The following LCORL variants were observed in gnomAD, a reference collection of about 807,000 sequenced individuals.
LCORL encodes ligand-dependent nuclear receptor corepressor-like protein.
In LCORL, 41 loss-of-function variants were observed where a neutral mutation model predicts 141.8. That is an observed-to-expected ratio of 0.29 (90% CI 0.23 to 0.38). LCORL has a LOEUF of 0.38. Ranked by LOEUF, LCORL falls within the 10% of genes least tolerant of loss-of-function variation. The probability of loss-of-function intolerance (pLI) is 1.00; values close to 1 mark genes in which losing one functional copy is unlikely to be tolerated. For synonymous variants in LCORL, 618 were observed against 694.1 expected, an observed-to-expected ratio of 0.89 and a Z score of 1.72; for missense variants, 1,759 against 2,035.0, an observed-to-expected ratio of 0.86 and a Z score of 2.61.
chr4:17,936,879 A>G (rs2109450626), intron 4 of LCORL, among the ~76,000 whole-genome samples: 2 of 152,290 alleles, frequency 1.3e-5, no homozygotes, highest in South Asian at 4.1e-4. Context: ...AGAATATTGC[A>G]GGAAGTTCCT....
rs28508584 is a variant in LCORL at position 17,940,076 on chromosome 4, T to C, written c.430+21827A>G. Among the ~76,000 whole-genome samples, 658 of 137,196 alleles carry C rather than the reference T, an allele frequency of 4.8e-3. 2 individuals are homozygous for C. Among genetic ancestry groups the C allele is most frequent in the African/African-American group, 0.018 (589 of 32,404 alleles). 90.0% of individuals were successfully genotyped at this position (137,196 alleles called of 152,430 possible). On this transcript the variant is annotated intron_variant, in intron 4 of 7. Coordinates refer to ENST00000635767, the Ensembl canonical transcript of LCORL. ...TATACGCATATATACACTATATGCA[T>C]ATATACTATATATACATATATAGGT...
exon 7 of LCORL, chr4:17,876,268 G>A (rs1726910578): frequency 8.1e-7 from 1 of 1,230,932 alleles, no homozygotes. Context: ...GGCATGCAGT[G>A]ACTATTGATA....
chr4:17,873,606 G>C, exon 7 of LCORL: 1 of 1,233,784 alleles, frequency 8.1e-7, no homozygotes. Flanking sequence ...AGGATTATTT[G>C]TGTTAGCATT....
chr4:17,882,318 G>A, intron 6 of LCORL: 1 of 984,516 alleles, frequency 1.0e-6, no homozygotes, highest in Non-Finnish European at 1.2e-6. Flanking sequence ...ACAGAGAAAG[G>A]GGGCACTCAG....
At chr4:17,909,534 C>G (rs571487027) in intron 4 of LCORL, among the ~76,000 whole-genome samples, 189 bp from the exon 5 acceptor site, 3 of 152,052 alleles carry the variant, frequency 2.0e-5, no homozygotes, top group African/African-American at 7.2e-5. Context: ...ATATATCAAC[C>G]AAAAATGTGG....
At chr4:17,880,812 G>A (rs764986325) in intron 6 of LCORL, 45 of 888,256 alleles carry the variant, frequency 5.1e-5, no homozygotes, top group Non-Finnish European at 5.8e-5. Flanking sequence ...TACAACACAA[G>A]ACAGATACAT....
At chr4:17,985,569 T>C (rs1030877008) in intron 1 of LCORL, among the ~76,000 whole-genome samples, 5 of 152,164 alleles carry the variant, frequency 3.3e-5, no homozygotes, top group Non-Finnish European at 7.4e-5. Context: ...TCTGTTTTGT[T>C]TGACATTTCG....
chr4:18,015,626 CA>C (rs985172572), intron 1 of LCORL, among the ~76,000 whole-genome samples: 6 of 151,788 alleles, frequency 4.0e-5, no homozygotes, highest in African/African-American at 1.4e-4. Flanking sequence ...GCTGTATAAA[CA>C]AAGTCTTTTG....
At chr4:17,872,803 A>T (rs1447530757) in intron 7 of LCORL, among the ~76,000 whole-genome samples, 1 of 152,160 alleles carries the variant, frequency 6.6e-6, no homozygotes, top group Non-Finnish European at 1.5e-5. Context: ...GATTTATTTT[A>T]AAAAATATTG....
chr4:17,848,079 TTAAG>T (rs1414269320), intron 7 of LCORL, among the ~76,000 whole-genome samples: 1 of 152,228 alleles, frequency 6.6e-6, no homozygotes, highest in African/African-American at 2.4e-5. Flanking sequence ...GGCGGTTTTC[TTAAG>T]TAACTTTTCT....
intron 5 of LCORL, among the ~76,000 whole-genome samples, chr4:17,906,574 T>C (rs1731654705): frequency 6.6e-6 from 1 of 152,216 alleles, no homozygotes; most frequent in Non-Finnish European, 1.5e-5. Flanking sequence ...GTTTAGACTA[T>C]TACAATAATT....
At chr4:17,878,900 C>G (rs1379499326) in intron 6 of LCORL, among the ~76,000 whole-genome samples, 1 of 151,204 alleles carries the variant, frequency 6.6e-6, no homozygotes, top group Non-Finnish European at 1.5e-5. Flanking sequence ...TAATATACAT[C>G]TAACTTTAAC....
chr4:18,021,679 G>C lies in LCORL; in HGVS notation c.73C>G (p.Arg25Gly), dbSNP rs1211933897. The change falls in exon 1 of 8, where the codon CGG becomes GGG. Residue 25 changes from arginine to glycine, a missense_variant. By Grantham distance (125) the Arg-to-Gly change is moderately radical. This residue lies in a region of LCORL where 86 missense variants were observed against 61.8 expected (regional missense o/e 1.39). Transcript: ENST00000635767. This position sits in a 1 kb window ranked among gnomAD's most constrained non-coding sequence, Gnocchi z 5.5. ...CTCTCCGCCGCGCACCGAGGGCTCC[G>C]GCACTGAGCGGCGGCGGCGGCGGCG... 4 of 1,538,740 alleles carry C rather than the reference G, an allele frequency of 2.6e-6. No homozygotes were observed. Among genetic ancestry groups the C allele is most frequent in the Non-Finnish European group, 3.5e-6 (4 of 1,141,924 alleles).
intron 4 of LCORL, among the ~76,000 whole-genome samples, chr4:17,947,259 T>C (rs959932082): frequency 2.6e-5 from 4 of 151,920 alleles, no homozygotes; most frequent in Admixed American, 6.6e-5. Context: ...TTGGAGAACA[T>C]TATATAAAGT....
exon 8 of LCORL, chr4:17,842,368 C>T (rs753639012): frequency 9.9e-6 from 16 of 1,611,576 alleles, no homozygotes; most frequent in East Asian, 2.2e-5. Flanking sequence ...CTGCTGAAGC[C>T]GACTCTGAAA....
At chr4:17,845,131 C>T (rs888174608) in exon 8 of LCORL, 1 of 152,454 alleles carries the variant, frequency 6.6e-6, no homozygotes, top group African/African-American at 2.4e-5. Flanking sequence ...TGTGCCATTG[C>T]TCTTAAAGCC....
chr4:17,877,890 T>C, exon 7 of LCORL: 1 of 1,230,710 alleles, frequency 8.1e-7, no homozygotes, highest in African/African-American at 1.6e-5. Flanking sequence ...ACAATGTAAA[T>C]CTTTAATACA....
chr4:17,878,483 GTC>G (rs1268361183), intron 6 of LCORL, among the ~76,000 whole-genome samples: 12 of 151,278 alleles, frequency 7.9e-5, no homozygotes, highest in African/African-American at 2.9e-4. Flanking sequence ...TTTATATATT[GTC>G]TGTTTTTAAT....
chr4:17,900,689 G>C (rs1270959484), intron 5 of LCORL, among the ~76,000 whole-genome samples: 1 of 152,146 alleles, frequency 6.6e-6, no homozygotes, highest in African/African-American at 2.4e-5. Context: ...TAGCTTGAAA[G>C]AGAATTAGTA....
Sources: allele counts gnomAD v4.1 joint callset (sites outside exome capture counted in the v4.1 genomes callset), GRCh38; gene constraint gnomAD v4.1.1; regional missense constraint gnomAD v4.1.1; non-coding constraint Gnocchi (gnomAD v3.1); transcripts MANE v1.5; gene names NCBI Gene and HGNC (gene_info 2026-07-23, HGNC 2026-07-21).